LSAMP: variants seen among roughly 807,000 people sequenced by gnomAD.
LSAMP encodes the protein limbic system-associated membrane protein.
In LSAMP, 7 loss-of-function variants were observed where a neutral mutation model predicts 38.6. That is an observed-to-expected ratio of 0.18 (90% confidence interval 0.10 to 0.34). The LOEUF is 0.34. LSAMP is among the 10% of genes least tolerant of loss of function. LSAMP has a pLI of 1.00. For missense variants in LSAMP, 313 were observed against 420.0 expected, an observed-to-expected ratio of 0.75 and a Z score of 2.23; for synonymous variants, 154 against 166.8, an observed-to-expected ratio of 0.92 and a Z score of 0.59.
intron 3 of LSAMP, among the ~76,000 whole-genome samples, chr3:115,860,946 A>G (rs1576158464): frequency 1.3e-5 from 2 of 152,272 alleles, no homozygotes; most frequent in East Asian, 1.9e-4. Flanking sequence ...TGGATTTGCT[A>G]TGTGAGGTAC....
chr3:116,173,303 C>A (rs991666103), intron 1 of LSAMP, among the ~76,000 whole-genome samples: 1 of 152,042 alleles, frequency 6.6e-6, no homozygotes, highest in African/African-American at 2.4e-5. Flanking sequence ...AATCCCACTA[C>A]ATTTGTTTTA....
chr3:115,934,894 T>G (rs1937646364), intron 3 of LSAMP, among the ~76,000 whole-genome samples: 1 of 152,144 alleles, frequency 6.6e-6, no homozygotes, highest in Admixed American at 6.6e-5. Flanking sequence ...AGCTCTATTT[T>G]GGGGAAGATT....
At chr3:116,354,335 G>A (rs1283919108) in intron 1 of LSAMP, among the ~76,000 whole-genome samples, 1 of 152,110 alleles carries the variant, frequency 6.6e-6, no homozygotes, top group Non-Finnish European at 1.5e-5. Flanking sequence ...GCCTCTTCAT[G>A]TGTACTGCTA....
intron 1 of LSAMP, among the ~76,000 whole-genome samples, chr3:116,342,615 T>C (rs549582077): frequency 6.6e-6 from 1 of 152,182 alleles, no homozygotes; most frequent in East Asian, 1.9e-4. Flanking sequence ...AAGCTTATAT[T>C]TTGAAATGCC....
At chr3:116,061,309 A>C (rs1049787865) in intron 2 of LSAMP, among the ~76,000 whole-genome samples, 4 of 152,180 alleles carry the variant, frequency 2.6e-5, no homozygotes, top group Non-Finnish European at 2.9e-5. Flanking sequence ...TAATTCACTT[A>C]ATGGAATATG....
At chr3:116,335,454 G>A (rs919003787) in intron 1 of LSAMP, among the ~76,000 whole-genome samples, 1 of 151,956 alleles carries the variant, frequency 6.6e-6, no homozygotes, top group African/African-American at 2.4e-5. Flanking sequence ...GCCCTTCCGG[G>A]TTTCAAATAT....
intron 2 of LSAMP, among the ~76,000 whole-genome samples, chr3:116,058,526 GT>G (rs1322083992): frequency 1.3e-5 from 2 of 150,640 alleles, no homozygotes; most frequent in Admixed American, 6.6e-5. Context: ...GTCCTTTTTA[GT>G]TTTAACACTC....
chr3:116,246,540 GC>G, intron 1 of LSAMP, among the ~76,000 whole-genome samples: 1 of 152,132 alleles, frequency 6.6e-6, no homozygotes, highest in East Asian at 1.9e-4. Context: ...AGTATTCACA[GC>G]CCTAGTCCTA....
chr3:116,338,694 T>C (rs939710240), intron 1 of LSAMP, among the ~76,000 whole-genome samples: 8 of 152,022 alleles, frequency 5.3e-5, no homozygotes, highest in Non-Finnish European at 1.2e-4. Flanking sequence ...TTAATAGATT[T>C]TATCAGGGTT....
chr3:116,209,059 G>C (rs2046113224), intron 1 of LSAMP, among the ~76,000 whole-genome samples: 2 of 152,212 alleles, frequency 1.3e-5, no homozygotes, highest in African/African-American at 2.4e-5. Flanking sequence ...GAGACTCCTT[G>C]GGGGTAGGAC....
chr3:116,338,070 G>T (rs2047945374), intron 1 of LSAMP, among the ~76,000 whole-genome samples: 1 of 152,048 alleles, frequency 6.6e-6, no homozygotes, highest in South Asian at 2.1e-4. Context: ...ATTAAATTTG[G>T]CTTTCACTGA....
intron 2 of LSAMP, among the ~76,000 whole-genome samples, chr3:116,075,000 C>A (rs1707705233): frequency 6.6e-6 from 1 of 151,730 alleles, no homozygotes; most frequent in African/African-American, 2.4e-5. Flanking sequence ...CCACCTCTGG[C>A]AAATTTTGTA....
At chr3:115,856,405 G>A (rs1935509455) in intron 3 of LSAMP, among the ~76,000 whole-genome samples, 1 of 152,034 alleles carries the variant, frequency 6.6e-6, no homozygotes, top group Admixed American at 6.6e-5. Context: ...ATCACTTGAG[G>A]TCAAGAGTTC....
chr3:116,326,024 G>A (rs2047766680), intron 1 of LSAMP, among the ~76,000 whole-genome samples: 1 of 151,960 alleles, frequency 6.6e-6, no homozygotes, highest in African/African-American at 2.4e-5. Context: ...TGAGGAGTGG[G>A]GGATTTTATT....
At chr3:116,201,907 T>C (rs1189015838) in intron 1 of LSAMP, among the ~76,000 whole-genome samples, 2 of 152,114 alleles carry the variant, frequency 1.3e-5, no homozygotes, top group Non-Finnish European at 2.9e-5. Flanking sequence ...CAAACACCAG[T>C]AGTGTTTTCC....
At chr3:115,928,078 A>G (rs892364592) in intron 3 of LSAMP, among the ~76,000 whole-genome samples, 1 of 152,250 alleles carries the variant, frequency 6.6e-6, no homozygotes, top group African/African-American at 2.4e-5. Flanking sequence ...AAAAGTGCCT[A>G]GCATATAGTA....
intron 2 of LSAMP, among the ~76,000 whole-genome samples, chr3:116,030,744 T>A (rs1223839114): frequency 6.6e-6 from 1 of 152,086 alleles, no homozygotes; most frequent in East Asian, 1.9e-4. Context: ...CCCTAAGACA[T>A]TATCAGAGAA....
At chr3:116,116,506 C>G (rs1708748662) in intron 1 of LSAMP, among the ~76,000 whole-genome samples, 1 of 144,060 alleles carries the variant, frequency 6.9e-6, no homozygotes, top group Admixed American at 7.1e-5. Flanking sequence ...ACCATCCTGG[C>G]TAACACGGTG....
chr3:116,187,311 A>G (rs1710642544), intron 1 of LSAMP, among the ~76,000 whole-genome samples: 1 of 152,166 alleles, frequency 6.6e-6, no homozygotes, highest in South Asian at 2.1e-4. Flanking sequence ...GGTATCTTTG[A>G]GCAAATTACA....
Sources: allele counts gnomAD v4.1 joint callset (sites outside exome capture counted in the v4.1 genomes callset), GRCh38; gene constraint gnomAD v4.1.1; transcripts MANE v1.5; gene names NCBI Gene and HGNC (gene_info 2026-07-23, HGNC 2026-07-21).